USP10: variants seen among roughly 807,000 people sequenced by gnomAD.
The protein encoded by USP10 is ubiquitin carboxyl-terminal hydrolase 10.
A neutral mutation model predicts 84.5 loss-of-function variants in USP10; 22 were observed. The ratio of observed to expected loss-of-function variants is 0.26; its 90% CI spans 0.19 to 0.37. The LOEUF is 0.37. Ranked by LOEUF, USP10 falls within the 10% of genes least tolerant of loss-of-function variation. USP10 has a pLI of 1.00. For synonymous variants in USP10, 454 were observed against 387.6 expected, an observed-to-expected ratio of 1.17 and a Z score of -2.01; for missense variants, 1,019 against 998.9, an observed-to-expected ratio of 1.02 and a Z score of -0.27.
intron 6 of USP10, 92 bp from the exon 7 acceptor site, chr16:84,759,799 A>G (rs1043272169): frequency 2.2e-5 from 28 of 1,283,532 alleles, no homozygotes; most frequent in Non-Finnish European, 7.9e-6. Flanking sequence ...CTATACTCGT[A>G]TAGCTGATAT....
intron 1 of USP10, among the ~76,000 whole-genome samples, chr16:84,720,255 C>T (rs943631502): frequency 2.0e-5 from 3 of 152,178 alleles, no homozygotes; most frequent in Non-Finnish European, 2.9e-5. Flanking sequence ...TCCTTCCTGG[C>T]GGGTGGCCTC....
At chr16:84,706,913 CAT>C (rs138250527) in intron 1 of USP10, among the ~76,000 whole-genome samples, 28,360 of 151,714 alleles carry the variant, frequency 0.19, 2,843 homozygotes, top group Middle Eastern at 0.32. Context: ...GAAGGAGAAA[CAT>C]ATTTATTACG....
intron 1 of USP10, among the ~76,000 whole-genome samples, chr16:84,708,057 G>T (rs1328108556): frequency 6.6e-6 from 1 of 152,126 alleles, no homozygotes; most frequent in Non-Finnish European, 1.5e-5. Flanking sequence ...CAGCTTGGGT[G>T]ACAGAGCGAG....
intron 12 of USP10, 138 bp from the exon 13 acceptor site, chr16:84,775,022 T>C (rs1243182172): frequency 1.4e-6 from 1 of 724,820 alleles, no homozygotes; most frequent in Admixed American, 2.3e-5. Flanking sequence ...TTTGTGCAAC[T>C]GAAGGGATAG....
At chr16:84,718,336 C>G (rs571241177) in intron 1 of USP10, among the ~76,000 whole-genome samples, 2 of 152,324 alleles carry the variant, frequency 1.3e-5, no homozygotes, top group African/African-American at 4.8e-5. Flanking sequence ...TCACTGCAGC[C>G]TCAAAGTTAT....
At chr16:84,731,067 C>T (rs55864363) in intron 1 of USP10, among the ~76,000 whole-genome samples, 4,056 of 150,582 alleles carry the variant, frequency 0.027, 165 homozygotes, top group African/African-American at 0.093. Flanking sequence ...GCAACCTCCA[C>T]CTCCCGGGTT....
chr16:84,770,417 A>T (rs1339217660), intron 11 of USP10, among the ~76,000 whole-genome samples: 1 of 152,128 alleles, frequency 6.6e-6, no homozygotes, highest in Non-Finnish European at 1.5e-5. Flanking sequence ...TTTGGGGAAA[A>T]TAGGATTATA....
In USP10 at chr16:84,760,165, A is replaced by G. The variant is rs1913042583; in HGVS notation, c.1451-7A>G. 3.1e-6 allele frequency: 5 copies of G among 1,599,882 alleles called. No individual in the cohort carries two copies. The highest frequency in any genetic ancestry group is 2.2e-5 in the East Asian group (1 of 44,628). On this transcript the variant is annotated splice_region_variant and splice_polypyrimidine_tract_variant and intron_variant, in intron 7 of 13. Transcript: ENST00000219473. ...TTAGGAAAACCTGTGTCCTCTTTCC[A>G]TTGCAGCTCTTGGAGATAAAATCGT...
intron 10 of USP10, among the ~76,000 whole-genome samples, 158 bp from the exon 11 acceptor site, chr16:84,768,035 A>G (rs1473437859): frequency 6.6e-6 from 1 of 152,156 alleles, no homozygotes. Context: ...CTTCAGCAGA[A>G]TTATTTTTAA....
chr16:84,779,683 T>G lies in USP10; in HGVS notation c.*601T>G, dbSNP rs1266404225. 2 of 152,786 alleles carry G rather than the reference T, an allele frequency of 1.3e-5. No individual in the cohort carries two copies. The highest frequency in any genetic ancestry group is 6.5e-5 in the Admixed American group (1 of 15,288). 9.5% of individuals were successfully genotyped at this position (152,786 alleles called of 1,614,324 possible). ...GATCAAATATTTGGAGTTAAAATGT[T>G]AGTCTACATAGATGGGTGATTGTAA... is the stretch of plus-strand genomic sequence containing the variant. On this transcript the variant is annotated 3_prime_UTR_variant, in exon 14 of 14. Coordinates refer to ENST00000219473, the MANE Select transcript of USP10 (RefSeq NM_005153.3).
At chr16:84,718,055 T>C (rs967083148) in intron 1 of USP10, among the ~76,000 whole-genome samples, 1 of 152,200 alleles carries the variant, frequency 6.6e-6, no homozygotes, top group African/African-American at 2.4e-5. Flanking sequence ...GGGAGATTAC[T>C]TGTCTTATAG....
At chr16:84,727,763 G>A (rs548145037) in intron 1 of USP10, among the ~76,000 whole-genome samples, 2 of 152,316 alleles carry the variant, frequency 1.3e-5, no homozygotes, top group South Asian at 2.1e-4. Flanking sequence ...TACATACACT[G>A]TAGCCACTTA....
chr16:84,714,991 C>T (rs1174816228), intron 1 of USP10, among the ~76,000 whole-genome samples: 4 of 150,004 alleles, frequency 2.7e-5, no homozygotes, highest in African/African-American at 9.8e-5. Flanking sequence ...GTGCAGTTCG[C>T]AGTCTCGGCT....
At chr16:84,705,287 A>T (rs1009852725) in intron 1 of USP10, among the ~76,000 whole-genome samples, 1 of 149,436 alleles carries the variant, frequency 6.7e-6, no homozygotes, top group African/African-American at 2.5e-5. Context: ...GCTGGAGTGC[A>T]TTGGCGGTAT....
intron 13 of USP10, among the ~76,000 whole-genome samples, chr16:84,778,182 C>T (rs946864930): frequency 5.3e-5 from 8 of 151,240 alleles, no homozygotes; most frequent in Non-Finnish European, 1.2e-4. Context: ...TAACTACCAG[C>T]ACCATCTCCG....
chr16:84,712,013 C>A (rs142204134), intron 1 of USP10, among the ~76,000 whole-genome samples: 2 of 152,160 alleles, frequency 1.3e-5, no homozygotes, highest in African/African-American at 2.4e-5. Flanking sequence ...AGCCACCGCG[C>A]CCGGTGGCTT....
chr16:84,730,606 G>C (rs1214790982), intron 1 of USP10, among the ~76,000 whole-genome samples: 1 of 152,152 alleles, frequency 6.6e-6, no homozygotes, highest in Non-Finnish European at 1.5e-5. Flanking sequence ...GAAGCCACTT[G>C]GTGTCTGCGT....
chr16:84,704,937 G>A, intron 1 of USP10: 1 of 1,531,642 alleles, frequency 6.5e-7, no homozygotes, highest in African/African-American at 1.4e-5. Context: ...GGGCTCACAT[G>A]AGAATTGTTA....
At chr16:84,777,997 G>C (rs774305) in intron 13 of USP10, among the ~76,000 whole-genome samples, 14,215 of 152,018 alleles carry the variant, frequency 0.094, 1,491 homozygotes, top group African/African-American at 0.26. Context: ...TTCTGTGGCT[G>C]TCTTAATGTT....
Sources: gnomAD v4.1 joint callset for allele counts (sites outside exome capture counted in the v4.1 genomes callset) on GRCh38, gnomAD v4.1.1 for gene constraint, MANE v1.5 for transcripts, NCBI Gene and HGNC (gene_info 2026-07-23, HGNC 2026-07-21) for gene names.